CPE: variants seen among roughly 807,000 people sequenced by gnomAD.
The protein encoded by CPE is carboxypeptidase E.
A neutral mutation model predicts 53.5 loss-of-function variants in CPE; 17 were observed. That is an observed-to-expected ratio of 0.32 (90% CI 0.22 to 0.48). CPE has a LOEUF of 0.48. Among genes scored for constraint, CPE ranks in the 20% least tolerant of loss-of-function variants. The pLI, the probability that CPE is intolerant of heterozygous loss-of-function variation, is 0.99. For missense variants in CPE, 524 were observed against 614.7 expected (o/e 0.85, Z 1.56); for synonymous variants, 226 against 228.8 (o/e 0.99, Z 0.11).
chr4:165,490,620 AC>A, intron 6 of CPE, among the ~76,000 whole-genome samples: 1 of 121,506 alleles, frequency 8.2e-6, no homozygotes, highest in South Asian at 2.6e-4. Flanking sequence ...ACAGAGCGAG[AC>A]TCCGTCTCAA....
At chr4:165,381,283 T>G (rs1433711681) in intron 1 of CPE, 1 of 456,158 alleles carries the variant, frequency 2.2e-6, no homozygotes, top group African/African-American at 2.0e-5. Context: ...TCTTTTAGAT[T>G]GCAAGCTGTA....
At chr4:165,381,350 A>G (rs1341578795) in intron 1 of CPE, 1 of 455,734 alleles carries the variant, frequency 2.2e-6, no homozygotes, top group African/African-American at 2.0e-5. Context: ...AGCGGGCTTG[A>G]ATATACATTA....
intron 7 of CPE, 63 bp downstream of exon 7, chr4:165,493,333 T>G: frequency 8.8e-7 from 1 of 1,141,262 alleles, no homozygotes; most frequent in South Asian, 1.3e-5. Context: ...CTAATTATCA[T>G]AATTATAAGT....
At chr4:165,488,239 G>A (rs1001482463) in intron 6 of CPE, among the ~76,000 whole-genome samples, 2 of 152,146 alleles carry the variant, frequency 1.3e-5, no homozygotes, top group African/African-American at 2.4e-5. Flanking sequence ...GACACAGAGA[G>A]GCTAGACAGC....
chr4:165,476,379 G>A (rs560264104), intron 3 of CPE, among the ~76,000 whole-genome samples: 1 of 152,002 alleles, frequency 6.6e-6, no homozygotes, highest in African/African-American at 2.4e-5. Flanking sequence ...ACTTGGGAGG[G>A]GCGCTTGCAC....
chr4:165,467,556 T>C (rs754551839), intron 2 of CPE, 132 bp from the exon 3 acceptor site: 14 of 823,504 alleles, frequency 1.7e-5, no homozygotes, highest in Non-Finnish European at 2.6e-5. Context: ...GTGAAAATGC[T>C]GACATGGGAG....
intron 1 of CPE, among the ~76,000 whole-genome samples, chr4:165,439,121 G>T (rs1731563457): frequency 6.6e-6 from 1 of 152,166 alleles, no homozygotes; most frequent in Non-Finnish European, 1.5e-5. Context: ...CACTTCATTT[G>T]CCTTGTTCAT....
chr4:165,409,576 T>C lies in CPE; in HGVS notation c.307+30048T>C, dbSNP rs538279826. 1.4e-4 allele frequency among the ~76,000 whole-genome samples: 22 copies of C among 152,190 alleles called. No homozygotes were observed. The South Asian group carries it at 4.6e-3, about 32-fold the overall frequency. ...TTGTGTGAGAGACTAAAATAAATAA[T>C]GGATTTAATTTGATGACTTTTTTTT... On this transcript the variant is annotated intron_variant, in intron 1 of 8. Coordinates refer to ENST00000402744, the MANE Select transcript of CPE (RefSeq NM_001873.4).
chr4:165,406,158 A>C, intron 1 of CPE: 1 of 735,246 alleles, frequency 1.4e-6, no homozygotes, highest in Non-Finnish European at 2.6e-6. Flanking sequence ...TTGTTTATTC[A>C]GCGTATTTAT....
intron 1 of CPE, among the ~76,000 whole-genome samples, chr4:165,443,961 A>G (rs1267253967): frequency 6.6e-6 from 1 of 152,152 alleles, no homozygotes; most frequent in African/African-American, 2.4e-5. Context: ...ACCATCTACG[A>G]ACCATAAAGG....
chr4:165,464,639 T>C (rs909596196), intron 2 of CPE, 53 bp downstream of exon 2: 2 of 1,414,374 alleles, frequency 1.4e-6, no homozygotes, highest in African/African-American at 2.9e-5. Flanking sequence ...TCTGTATGTT[T>C]GTACATACAT....
At chr4:165,462,610 C>T (rs1334128843) in intron 1 of CPE, among the ~76,000 whole-genome samples, 1 of 152,188 alleles carries the variant, frequency 6.6e-6, no homozygotes, top group Non-Finnish European at 1.5e-5. Context: ...GTATAAACTG[C>T]ATGAGTTTAC....
chr4:165,379,390 C>G lies in CPE; in HGVS notation c.169C>G (p.Pro57Ala), dbSNP rs768266529. 16 of 1,609,260 alleles carry G rather than the reference C, an allele frequency of 9.9e-6. No homozygotes were observed. The highest frequency in any genetic ancestry group is 1.3e-5 in the African/African-American group (1 of 75,010). ...CATCTCCTTCGAGTACCACCGCTAC[C>G]CCGAGCTGCGCGAGGCGCTCGTGTC... ...DGISFEYHRYPELREALVSVW... is the reference protein window; with the variant it reads ...DGISFEYHRYAELREALVSVW... The change falls in exon 1 of 9, where the codon CCC (proline) becomes GCC (alanine). Residue 57 changes from proline (P) to alanine (A), a missense_variant. Transcript: ENST00000402744. The surrounding 1 kb of genome is among the most constrained non-coding windows in gnomAD (Gnocchi z 6.0).
intron 1 of CPE, among the ~76,000 whole-genome samples, chr4:165,463,745 A>G (rs1490294620): frequency 2.6e-5 from 4 of 152,238 alleles, no homozygotes; most frequent in African/African-American, 9.6e-5. Context: ...TTTGGTCAGG[A>G]TTAAATAAGA....
At chr4:165,394,452 T>C (rs1247627951) in intron 1 of CPE, among the ~76,000 whole-genome samples, 1 of 152,180 alleles carries the variant, frequency 6.6e-6, no homozygotes, top group African/African-American at 2.4e-5. Flanking sequence ...GGAGTGGGCC[T>C]CTGGGAAGGG....
At chr4:165,385,005 A>C (rs143615717) in intron 1 of CPE, among the ~76,000 whole-genome samples, 20 of 152,220 alleles carry the variant, frequency 1.3e-4, no homozygotes, top group African/African-American at 4.3e-4. Context: ...TTTTGATGAA[A>C]ATGATTAAAG....
intron 8 of CPE, among the ~76,000 whole-genome samples, chr4:165,496,992 G>A (rs1407842905): frequency 1.3e-5 from 2 of 152,054 alleles, no homozygotes; most frequent in Non-Finnish European, 2.9e-5. Context: ...GCACGATCTT[G>A]GCTCACTGCA....
intron 1 of CPE, among the ~76,000 whole-genome samples, chr4:165,400,998 C>T (rs574759692): frequency 1.3e-5 from 2 of 152,154 alleles, no homozygotes; most frequent in Non-Finnish European, 2.9e-5. Flanking sequence ...CCCAGCTCTT[C>T]ATCACCAGTT....
chr4:165,488,304 A>T (rs910509153), intron 6 of CPE, among the ~76,000 whole-genome samples: 2 of 152,172 alleles, frequency 1.3e-5, no homozygotes, highest in African/African-American at 4.8e-5. Context: ...TTCCAGAATC[A>T]CCATGCTGTA....
Sources: gnomAD v4.1 joint callset for allele counts (sites outside exome capture counted in the v4.1 genomes callset) on GRCh38, gnomAD v4.1.1 for gene constraint, Gnocchi (gnomAD v3.1) non-coding constraint, MANE v1.5 for transcripts, NCBI Gene and HGNC (gene_info 2026-07-23, HGNC 2026-07-21) for gene names.